FAM13A: variants seen among roughly 807,000 people sequenced by gnomAD.
FAM13A encodes the protein protein FAM13A.
A neutral mutation model predicts 129.6 loss-of-function variants in FAM13A; 76 were observed. The ratio of observed to expected loss-of-function variants is 0.59; its 90% CI spans 0.49 to 0.71. FAM13A has a LOEUF of 0.71. Ranked by LOEUF, FAM13A falls within the 30% of genes least tolerant of loss-of-function variation. FAM13A has a pLI of 0.00. For synonymous variants in FAM13A, 443 were observed against 449.9 expected, an observed-to-expected ratio of 0.98 and a Z score of 0.20; for missense variants, 1,108 against 1,249.3, an observed-to-expected ratio of 0.89 and a Z score of 1.70.
At chr4:88,759,604 T>A (rs1320020261) in intron 13 of FAM13A, 1 of 148,140 alleles carries the variant, frequency 6.8e-6, no homozygotes. Context: ...CAGGGAGCAA[T>A]TTTTTTTTTT....
chr4:88,946,341 T>C (rs577886370), intron 4 of FAM13A, among the ~76,000 whole-genome samples: 1 of 150,552 alleles, frequency 6.6e-6, no homozygotes, highest in East Asian at 2.0e-4. Flanking sequence ...AGCTATTAAG[T>C]AGCACCCTTT....
intron 1 of FAM13A, among the ~76,000 whole-genome samples, chr4:89,037,999 A>G (rs1393617573): frequency 1.3e-5 from 2 of 152,216 alleles, no homozygotes; most frequent in Non-Finnish European, 2.9e-5. Flanking sequence ...TAGCAATGTG[A>G]GAACAGACTA....
chr4:88,781,772 G>A (rs929018315), intron 10 of FAM13A, among the ~76,000 whole-genome samples: 9 of 151,346 alleles, frequency 5.9e-5, no homozygotes, highest in African/African-American at 2.2e-4. Context: ...TAGTAGTGTA[G>A]AAATGTGTAT....
intron 3 of FAM13A, among the ~76,000 whole-genome samples, chr4:88,993,246 T>C (rs114849625): frequency 6.6e-6 from 1 of 152,338 alleles, no homozygotes; most frequent in African/African-American, 2.4e-5. Context: ...TAATTGGAGA[T>C]ACCCATTTCT....
chr4:88,950,093 A>G (rs1416343844), intron 4 of FAM13A, among the ~76,000 whole-genome samples: 2 of 152,218 alleles, frequency 1.3e-5, no homozygotes, highest in Admixed American at 1.3e-4. Context: ...CTGGATAACT[A>G]GATATGTTTC....
rs1323827175 is a variant in FAM13A, at chr4:88,747,772, A to C, written c.2241T>G (p.Gly747=). 1 of 1,614,162 alleles carries C rather than the reference A, an allele frequency of 6.2e-7. No individual in the cohort carries two copies. The highest frequency in any genetic ancestry group is 1.1e-5 in the South Asian group (1 of 91,080). Residue 747 remains glycine (G), a synonymous_variant, in exon 18 of 24, where the codon GGT becomes GGG. Transcript: ENST00000264344. ...TCTCATCTTCTTTCTCAAGTTGGGA[A>C]CCAAAACTCTTGGGGAGTGTGTTGC... ...QRSNTLPKSF[G]SQLEKEDEKK... is the part of the protein sequence containing the mutation.
intron 3 of FAM13A, chr4:89,009,120 A>G (rs1486371743): frequency 6.6e-6 from 1 of 152,240 alleles, no homozygotes; most frequent in Non-Finnish European, 1.5e-5. Context: ...TGAGACAGAT[A>G]TTTAATAAAG....
At chr4:88,851,317 G>A in intron 6 of FAM13A, 134 bp from the exon 7 acceptor site, 1 of 698,150 alleles carries the variant, frequency 1.4e-6, no homozygotes. Context: ...AAAATATCAA[G>A]CTAAAAATTA....
intron 1 of FAM13A, among the ~76,000 whole-genome samples, chr4:89,044,428 CAAGT>C (rs1770572699): frequency 6.6e-6 from 1 of 152,094 alleles, no homozygotes; most frequent in Admixed American, 6.5e-5. Flanking sequence ...AAGAAAATAA[CAAGT>C]ATTGGTTAAG....
intron 7 of FAM13A, among the ~76,000 whole-genome samples, chr4:88,822,236 C>T (rs1228295423): frequency 6.6e-6 from 1 of 152,088 alleles, no homozygotes; most frequent in Non-Finnish European, 1.5e-5. Context: ...TTGGGCAGCC[C>T]TGAGGCCCTC....
chr4:88,954,418 A>T (rs190784879), intron 4 of FAM13A, among the ~76,000 whole-genome samples: 51 of 152,290 alleles, frequency 3.3e-4, no homozygotes, highest in African/African-American at 1.1e-3. Flanking sequence ...AATCAACCAA[A>T]GTGTTAGAGG....
rs1736659177 is a variant in FAM13A at position 88,727,388 on chromosome 4, G to A, written c.*1145C>T. 6.6e-6 allele frequency: 1 copy of A among 152,486 alleles called. No homozygotes were observed. The highest frequency in any genetic ancestry group is 1.5e-5 in the Non-Finnish European group (1 of 68,000). 9.4% of individuals were successfully genotyped at this position (152,486 alleles called of 1,614,324 possible). A position where few individuals can be genotyped will look rare whatever the true frequency, so the allele number is the denominator to read the frequency against. On this transcript the variant is annotated 3_prime_UTR_variant, in exon 24 of 24. Transcript: ENST00000264344. ...CTAATATAGACAGTTTTGTGACAAA[G>A]TCTTTGAAAAAAATTATAATTGGCC...
intron 6 of FAM13A, among the ~76,000 whole-genome samples, chr4:88,876,781 T>C (rs888060795): frequency 6.6e-5 from 10 of 151,620 alleles, no homozygotes; most frequent in African/African-American, 1.7e-4. Context: ...TTAGTAGAGA[T>C]GGGGTTTCAC....
intron 1 of FAM13A, among the ~76,000 whole-genome samples, chr4:89,044,900 TGGCTACCAGG>T (rs1324812549): frequency 6.6e-6 from 1 of 151,020 alleles, no homozygotes; most frequent in Non-Finnish European, 1.5e-5. Flanking sequence ...GGAAGGACAA[TGGCTACCAGG>T]GGCTGGGAGG....
chr4:88,892,305 G>A (rs1745480900), intron 6 of FAM13A, among the ~76,000 whole-genome samples: 3 of 148,752 alleles, frequency 2.0e-5, no homozygotes, highest in Admixed American at 1.4e-4. Context: ...TCAGCCTCCC[G>A]AGTAGCTGGG....
chr4:88,883,436 A>G (rs891546476), intron 6 of FAM13A, among the ~76,000 whole-genome samples: 2 of 152,156 alleles, frequency 1.3e-5, no homozygotes, highest in African/African-American at 4.8e-5. Context: ...TGAAATCAAG[A>G]TGGAAATTAA....
intron 7 of FAM13A, among the ~76,000 whole-genome samples, chr4:88,831,593 T>A (rs895722994): frequency 6.6e-6 from 1 of 152,196 alleles, no homozygotes; most frequent in African/African-American, 2.4e-5. Flanking sequence ...ATTGACCCTG[T>A]AAATAAATAA....
rs367557751 is a variant in FAM13A, at chr4:89,027,340, CTA to C, written c.217+2118_217+2119del. Among the ~76,000 whole-genome samples, 71 of 152,132 alleles carry C rather than the reference CTA, an allele frequency of 4.7e-4. No individual in the cohort carries two copies. In the East Asian group the frequency reaches 0.013, roughly 28 times the overall value. ...CTGGACAACATGGCGAGACCTGCCTCTAAAAAAATTTTTTTTAATTAGCAGGT... is the reference window on the plus strand; with the variant it reads ...CTGGACAACATGGCGAGACCTGCCTCAAAAAATTTTTTTTAATTAGCAGGT... On this transcript the variant is annotated intron_variant, in intron 2 of 23. Transcript: ENST00000264344.
intron 8 of FAM13A, 22 bp from the exon 9 acceptor site, chr4:88,790,649 A>T (rs1270052707): frequency 6.2e-7 from 1 of 1,607,962 alleles, no homozygotes; most frequent in Admixed American, 1.7e-5. Flanking sequence ...AAGCAAAGAG[A>T]AAGTCAGGTT....
Sources: allele counts gnomAD v4.1 joint callset (sites outside exome capture counted in the v4.1 genomes callset), GRCh38; gene constraint gnomAD v4.1.1; transcripts MANE v1.5; gene names NCBI Gene and HGNC (gene_info 2026-07-23, HGNC 2026-07-21).